SSX2IP: variants seen among roughly 807,000 people sequenced by gnomAD.
SSX2IP encodes the protein afadin- and alpha-actinin-binding protein.
SSX2IP carries 55 observed loss-of-function variants against 84.9 expected under a neutral mutation model. That is an observed-to-expected ratio of 0.65 (90% CI 0.52 to 0.81). The LOEUF (loss-of-function observed/expected upper bound fraction) is 0.81. Ranked by LOEUF, SSX2IP falls within the 30% of genes least tolerant of loss-of-function variation. The pLI, the probability that SSX2IP is intolerant of heterozygous loss-of-function variation, is 0.00. For missense variants in SSX2IP, 664 were observed against 705.2 expected, an observed-to-expected ratio of 0.94 and a Z score of 0.66; for synonymous variants, 239 against 234.7, an observed-to-expected ratio of 1.02 and a Z score of -0.17.
chr1:84,674,585 G>A (rs1466438661), intron 1 of SSX2IP, among the ~76,000 whole-genome samples: 1 of 152,098 alleles, frequency 6.6e-6, no homozygotes, highest in Non-Finnish European at 1.5e-5. Context: ...TCCTTATACA[G>A]AAAGAACACC....
chr1:84,675,942 T>A (rs1442154314), intron 1 of SSX2IP, among the ~76,000 whole-genome samples: 1 of 152,182 alleles, frequency 6.6e-6, no homozygotes. Flanking sequence ...ATCTTACACA[T>A]ACTGACTGAT....
intron 11 of SSX2IP, chr1:84,655,542 C>T (rs1650952664): frequency 2.0e-5 from 27 of 1,366,054 alleles, no homozygotes; most frequent in Non-Finnish European, 2.4e-5. Context: ...ATGATGGATA[C>T]CCAAAAGAGA....
chr1:84,656,479 T>G lies in SSX2IP; in HGVS notation c.1084A>C (p.Lys362Gln), dbSNP rs781452200. 2 of 1,610,762 alleles carry G rather than the reference T, an allele frequency of 1.2e-6. No individual in the cohort carries two copies. Among genetic ancestry groups the G allele is most frequent in the Non-Finnish European group, 8.5e-7 (1 of 1,178,682 alleles). The change falls in exon 10 of 14, where the codon AAG becomes CAG. Residue 362 changes from lysine (K) to glutamine (Q), a missense_variant. Physicochemically the swap from Lys to Gln is moderately conservative, Grantham distance 53 (BLOSUM62 1). Coordinates refer to ENST00000342203, the MANE Select transcript of SSX2IP (RefSeq NM_001166293.2). ...HVEKLDNQVSKVHLEGFNDED... is the reference protein window; with the variant it reads ...HVEKLDNQVSQVHLEGFNDED... ...TCATTAAAACCTTCCAGGTGTACCT[T>G]TGAAACTAAGACAAAATCAGTAAGT...
intron 11 of SSX2IP, among the ~76,000 whole-genome samples, chr1:84,652,711 C>G (rs141258529): frequency 6.6e-6 from 1 of 150,972 alleles, no homozygotes; most frequent in Non-Finnish European, 1.5e-5. Context: ...GCCTGGGCAA[C>G]AAAGCAAGGC....
At chr1:84,687,366 T>C (rs1252268794) in intron 1 of SSX2IP, among the ~76,000 whole-genome samples, 5 of 152,238 alleles carry the variant, frequency 3.3e-5, no homozygotes, top group Admixed American at 2.0e-4. Flanking sequence ...TGAAAGACTA[T>C]TTCTTCTCTC....
intron 1 of SSX2IP, among the ~76,000 whole-genome samples, chr1:84,672,885 C>T (rs1046625058): frequency 6.6e-6 from 1 of 151,948 alleles, no homozygotes; most frequent in East Asian, 1.9e-4. Flanking sequence ...ACTTAGCCGG[C>T]GTGGTGGCAT....
chr1:84,690,080 C>T (rs1443255576), intron 1 of SSX2IP: 1 of 152,192 alleles, frequency 6.6e-6, no homozygotes, highest in Non-Finnish European at 1.5e-5. Context: ...GGGTTTGGGG[C>T]TCCCCGGGTC....
Position 84,658,390 on chromosome 1 carries a change from C to G in SSX2IP, c.1006G>C (p.Glu336Gln). Residue 336 changes from glutamate to glutamine, a missense_variant, in exon 9 of 14, where the codon GAG (glutamate) becomes CAG (glutamine). Transcript: ENST00000342203. The part of the protein sequence containing the change: ...MWDLSCETVR[E>Q]QLTNSIRKQW... Reference sequence around the variant, plus strand: ...TTTCTGATGCTGTTTGTAAGCTGCTCTCTCACAGTTTCACAGGAAAGGTCC... The same window carrying G: ...TTTCTGATGCTGTTTGTAAGCTGCTGTCTCACAGTTTCACAGGAAAGGTCC... 1 of 1,614,114 alleles carries G rather than the reference C, an allele frequency of 6.2e-7. No homozygotes were observed. The highest frequency in any genetic ancestry group is 8.5e-7 in the Non-Finnish European group (1 of 1,180,012).
At chr1:84,688,445 G>A (rs1201937355) in intron 1 of SSX2IP, among the ~76,000 whole-genome samples, 1 of 152,192 alleles carries the variant, frequency 6.6e-6, no homozygotes, top group Non-Finnish European at 1.5e-5. Context: ...TCCAATTTAA[G>A]CATGTTAAAT....
At chr1:84,687,562 T>C (rs1359063075) in intron 1 of SSX2IP, among the ~76,000 whole-genome samples, 2 of 152,234 alleles carry the variant, frequency 1.3e-5, no homozygotes, top group South Asian at 2.1e-4. Flanking sequence ...GAAAGGTTTG[T>C]TGTATAATTA....
rs1343174234 is a variant in SSX2IP, at chr1:84,665,777, G to A, written c.537+345C>T. Among the ~76,000 whole-genome samples the A allele has an allele frequency of 4.6e-5, 7 of 152,134 alleles. No homozygotes were observed. The South Asian group carries it at 6.2e-4, about 14-fold the overall frequency. Reference sequence around the variant, plus strand: ...CAAGAAGGGGCACCTCAGCTATCACGTACAGGTACAGCAGAGAATAAAAGA... The same window carrying A: ...CAAGAAGGGGCACCTCAGCTATCACATACAGGTACAGCAGAGAATAAAAGA... On this transcript the variant is annotated intron_variant, in intron 5 of 13. Coordinates refer to ENST00000342203, the MANE Select transcript of SSX2IP (RefSeq NM_001166293.2).
At chr1:84,651,136 G>A (rs559115124) in intron 12 of SSX2IP, among the ~76,000 whole-genome samples, 121 of 152,186 alleles carry the variant, frequency 8.0e-4, no homozygotes, top group African/African-American at 2.8e-3. Flanking sequence ...GTAGTATAGC[G>A]AGGGCTTGTC....
At chr1:84,681,614 TG>T (rs5775793) in intron 1 of SSX2IP, among the ~76,000 whole-genome samples, 57,151 of 151,998 alleles carry the variant, frequency 0.38, 11,128 homozygotes, top group African/African-American at 0.49. Context: ...TATAGGAGCA[TG>T]TATTATTCTG....
intron 1 of SSX2IP, among the ~76,000 whole-genome samples, chr1:84,672,602 AAAC>A: frequency 6.6e-6 from 1 of 152,210 alleles, no homozygotes; most frequent in Non-Finnish European, 1.5e-5. Context: ...GTTATACCTC[AAAC>A]AACAGCACTA....
chr1:84,664,659 T>C, intron 5 of SSX2IP, 107 bp from the exon 6 acceptor site: 1 of 980,652 alleles, frequency 1.0e-6, no homozygotes, highest in South Asian at 2.6e-5. Flanking sequence ...CTAGGATGAT[T>C]CTTCCTTATT....
At chr1:84,670,557 TTG>T in intron 3 of SSX2IP, 87 bp downstream of exon 3, 1 of 947,038 alleles carries the variant, frequency 1.1e-6, no homozygotes, top group Non-Finnish European at 1.5e-6. Flanking sequence ...AACAACAAAC[TTG>T]TGTTTGACAA....
chr1:84,690,279 C>T (rs1459732800), intron 1 of SSX2IP, 92 bp downstream of exon 1: 2 of 151,758 alleles, frequency 1.3e-5, no homozygotes, highest in Non-Finnish European at 2.9e-5. Context: ...CTCTCACCTC[C>T]GCGCGCGCCC....
chr1:84,672,233 G>A (rs1653681378), intron 1 of SSX2IP, among the ~76,000 whole-genome samples: 1 of 152,172 alleles, frequency 6.6e-6, no homozygotes, highest in South Asian at 2.1e-4. Flanking sequence ...AGGAGGAAGG[G>A]TGAAGACTGC....
intron 1 of SSX2IP, among the ~76,000 whole-genome samples, chr1:84,686,706 G>C (rs1655847655): frequency 6.6e-6 from 1 of 152,198 alleles, no homozygotes. Context: ...CAGGGGAACG[G>C]ACTTCAGGAA....
Sources: allele counts gnomAD v4.1 joint callset (sites outside exome capture counted in the v4.1 genomes callset), GRCh38; gene constraint gnomAD v4.1.1; transcripts MANE v1.5; gene names NCBI Gene and HGNC (gene_info 2026-07-23, HGNC 2026-07-21).